Variants in PSMA8 observed in about 807,000 individuals in gnomAD.
The protein encoded by PSMA8 is proteasome subunit alpha-type 8.
Under a neutral mutation model 32.4 loss-of-function variants are expected in PSMA8, and 18 were observed. The observed-to-expected ratio is 0.56, with a 90% CI of 0.38 to 0.82. The LOEUF is 0.82. Among genes scored for constraint, PSMA8 ranks in the 40% least tolerant of loss-of-function variants. The pLI is 0.00. For missense variants in PSMA8, 298 were observed against 300.7 expected (o/e 0.99, Z 0.07); for synonymous variants, 104 against 98.1 (o/e 1.06, Z -0.36).
chr18:26,184,610 T>C lies in PSMA8; in HGVS notation c.660+5480T>C, dbSNP rs951258601. 2.2e-4 allele frequency among the ~76,000 whole-genome samples: 32 copies of C among 147,974 alleles called. 2 individuals are homozygous for C. The highest frequency in any genetic ancestry group is 6.7e-5 in the Admixed American group (1 of 14,830). ...CAACATAGTGAAACCCCATCTCCAC[T>C]AAAAATATAAAAAATTAGCCGGGCA... On this transcript the variant is annotated intron_variant, in intron 6 of 6. Coordinates refer to ENST00000415576, the MANE Select transcript of PSMA8 (RefSeq NM_001025096.2).
intron 4 of PSMA8, among the ~76,000 whole-genome samples, chr18:26,169,834 G>A (rs1328679998): frequency 3.4e-5 from 4 of 117,506 alleles, no homozygotes; most frequent in Non-Finnish European, 4.7e-5. Context: ...CAACAAGAGC[G>A]AAACGCTGTC....
At chr18:26,136,897 C>A (rs2054915676) in intron 1 of PSMA8, among the ~76,000 whole-genome samples, 2 of 152,164 alleles carry the variant, frequency 1.3e-5, no homozygotes, top group African/African-American at 4.8e-5. Context: ...AGTGTTTAAT[C>A]CCCTTTTATT....
At chr18:26,145,928 A>G (rs2054999245) in intron 2 of PSMA8, among the ~76,000 whole-genome samples, 1 of 152,228 alleles carries the variant, frequency 6.6e-6, no homozygotes, top group Non-Finnish European at 1.5e-5. Context: ...TTTATGAAAC[A>G]CTGCCAGTCC....
chr18:26,157,023 G>A (rs979287442), intron 3 of PSMA8, among the ~76,000 whole-genome samples: 2 of 150,980 alleles, frequency 1.3e-5, no homozygotes, highest in East Asian at 1.9e-4. Flanking sequence ...GGGCTCAAGC[G>A]ATCTGCCTGC....
At chr18:26,146,476 T>C (rs1456327999) in intron 2 of PSMA8, among the ~76,000 whole-genome samples, 2 of 152,216 alleles carry the variant, frequency 1.3e-5, no homozygotes, top group African/African-American at 2.4e-5. Flanking sequence ...TATAAAAACA[T>C]TGAAGCATCC....
rs2144306634 is a variant in PSMA8 at position 26,158,127 on chromosome 18, T to C, written c.360T>C (p.Tyr120=). The C allele has an allele frequency of 1.3e-6, 2 of 1,576,086 alleles. No homozygotes were observed. The highest frequency in any genetic ancestry group is 2.4e-5 in the South Asian group (2 of 85,054). Residue 120 remains tyrosine, a synonymous_variant, in exon 4 of 7, where the codon TAT becomes TAC. Transcript: ENST00000415576. Reference sequence around the variant, plus strand: ...AATACGTTTTATTTTTCTAGAAATATACCCAAAGCAATGGACGAAGACCTT... The same window carrying C: ...AATACGTTTTATTTTTCTAGAAATACACCCAAAGCAATGGACGAAGACCTT... ...TRFIATLKQK[Y]TQSNGRRPFG...
chr18:26,181,638 T>G (rs1182242291), intron 6 of PSMA8, among the ~76,000 whole-genome samples: 7 of 152,190 alleles, frequency 4.6e-5, no homozygotes, highest in African/African-American at 1.7e-4. Flanking sequence ...CTTAAGAAAA[T>G]TAAAAGTACT....
At chr18:26,185,673 C>T (rs2055347189) in intron 6 of PSMA8, among the ~76,000 whole-genome samples, 3 of 150,658 alleles carry the variant, frequency 2.0e-5, no homozygotes, top group African/African-American at 7.4e-5. Context: ...AATGTATTCT[C>T]TAGGAAGTTT....
chr18:26,148,861 AT>A (rs1962620965), intron 2 of PSMA8, among the ~76,000 whole-genome samples: 1 of 152,102 alleles, frequency 6.6e-6, no homozygotes, highest in Admixed American at 6.5e-5. Flanking sequence ...TTTCTTTTTA[AT>A]TTGAAACAGG....
At chr18:26,154,339 A>T (rs1489135979) in intron 3 of PSMA8, among the ~76,000 whole-genome samples, 1 of 152,204 alleles carries the variant, frequency 6.6e-6, no homozygotes, top group African/African-American at 2.4e-5. Context: ...GTTGCAAGGA[A>T]GTCCAACATT....
At chr18:26,174,444 T>C (rs1385678353) in intron 4 of PSMA8, among the ~76,000 whole-genome samples, 2 of 152,248 alleles carry the variant, frequency 1.3e-5, no homozygotes, top group Non-Finnish European at 2.9e-5. Context: ...TTCAGTTTAC[T>C]GTGTATTTCT....
chr18:26,187,422 T>C (rs12970835), intron 6 of PSMA8, among the ~76,000 whole-genome samples: 42,698 of 151,900 alleles, frequency 0.28, 10,042 homozygotes, highest in African/African-American at 0.64. Context: ...GAGGATAAGT[T>C]CTTACTTATC....
intron 3 of PSMA8, among the ~76,000 whole-genome samples, chr18:26,156,402 C>A (rs1398472628): frequency 6.6e-6 from 1 of 152,026 alleles, no homozygotes; most frequent in African/African-American, 2.4e-5. Context: ...GATATACAAC[C>A]AGCCTAAGCA....
At chr18:26,161,282 A>C (rs1410866317) in intron 4 of PSMA8, among the ~76,000 whole-genome samples, 8 of 152,220 alleles carry the variant, frequency 5.3e-5, no homozygotes, top group Non-Finnish European at 8.8e-5. Context: ...CATGAGACAC[A>C]TCTATTCCTT....
rs184158313 is a variant in PSMA8, at chr18:26,180,583, C to T, written c.660+1453C>T. On this transcript the variant is annotated intron_variant, in intron 6 of 6. Coordinates refer to ENST00000415576, the MANE Select transcript of PSMA8 (RefSeq NM_001025096.2). ...TGGGTATTATCCAGGTTTTTGTCACCCCTGCTGCTAAGAGCCCAGGGACAG... is the reference window on the plus strand; with the variant it reads ...TGGGTATTATCCAGGTTTTTGTCACTCCTGCTGCTAAGAGCCCAGGGACAG... Among the ~76,000 whole-genome samples the T allele has an allele frequency of 1.2e-3, 183 of 151,998 alleles. 1 individual carries two copies. Among genetic ancestry groups the T allele is most frequent in the African/African-American group, 4.1e-3 (171 of 41,438 alleles).
intron 6 of PSMA8, among the ~76,000 whole-genome samples, chr18:26,180,075 A>T (rs1287320414): frequency 2.0e-5 from 3 of 152,048 alleles, no homozygotes; most frequent in Non-Finnish European, 4.4e-5. Context: ...ACATAGTGAA[A>T]CCCCGTCTCT....
chr18:26,192,370 A>T lies in PSMA8; in HGVS notation c.712A>T (p.Lys238Ter). 1 of 1,525,036 alleles carries T rather than the reference A, an allele frequency of 6.6e-7. No individual in the cohort carries two copies. The highest frequency in any genetic ancestry group is 8.7e-7 in the Non-Finnish European group (1 of 1,148,632). 94.5% of individuals were successfully genotyped at this position (1,525,036 alleles called of 1,614,324 possible). A position where few individuals can be genotyped will look rare whatever the true frequency, so the allele number is the denominator to read the frequency against. The part of the protein sequence containing the change: ...ELYVTEIEKE[K>*]EEAEKKKSKK... ...ATATGTAACTGAAATAGAAAAGGAA[A>T]AGGAAGAAGCAGAGAAGAAAAAATC... The change falls in exon 7 of 7, where the codon AAG becomes TAG. Residue 238 changes from lysine (K) to a stop codon, truncating the protein, a stop_gained. Transcript: ENST00000415576. LOFTEE classifies it high-confidence loss of function.
At chr18:26,190,514 C>T (rs559498125) in intron 6 of PSMA8, among the ~76,000 whole-genome samples, 16 of 152,038 alleles carry the variant, frequency 1.1e-4, no homozygotes, top group Non-Finnish European at 2.1e-4. Flanking sequence ...TTTGGGAGGC[C>T]GAGACAGGCA....
At chr18:26,160,788 G>A (rs1204808780) in intron 4 of PSMA8, among the ~76,000 whole-genome samples, 1 of 152,206 alleles carries the variant, frequency 6.6e-6, no homozygotes, top group African/African-American at 2.4e-5. Context: ...GCAGAAATGA[G>A]AATAGAAATA....
Sources: gnomAD v4.1 joint callset for allele counts (sites outside exome capture counted in the v4.1 genomes callset) on GRCh38, gnomAD v4.1.1 for gene constraint, MANE v1.5 for transcripts, NCBI Gene and HGNC (gene_info 2026-07-23, HGNC 2026-07-21) for gene names.